SLC26A1: variants seen among roughly 807,000 people sequenced by gnomAD.
The protein encoded by SLC26A1 is sulfate anion transporter 1.
Under a neutral mutation model 14.5 loss-of-function variants are expected in SLC26A1, and 18 were observed. The observed-to-expected ratio is 1.24, with a 90% CI of 0.86 to 1.84. SLC26A1 has a LOEUF of 1.84. Among genes scored for constraint, SLC26A1 ranks in the 40% most tolerant of loss-of-function variants. SLC26A1 has a pLI of 0.00. For synonymous variants in SLC26A1, 505 were observed against 492.0 expected (o/e 1.03, Z -0.35); for missense variants, 1,049 against 1,020.0 (o/e 1.03, Z -0.39).
At chr4:983,167 G>A (rs773318719), downstream of SLC26A1, among the ~76,000 whole-genome samples, 3 of 152,210 alleles carry the variant, frequency 2.0e-5, no homozygotes, top group Non-Finnish European at 4.4e-5. Context: ...ATGCGGTTAC[G>A]ATTCATTAGG....
In SLC26A1 at chr4:989,651, G is replaced by C; in HGVS notation, c.1288C>G (p.Leu430Val). Residue 430 changes from leucine to valine, a missense_variant, in exon 3 of 3, where the codon CTG (leucine) becomes GTG (valine). By Grantham distance (32) the Leu-to-Val change is conservative. Transcript: ENST00000398516. ...TGTAGGTCGTGGAACAGCGGTGCCA[G>C]CGCCAGCAGCACCAGCAGCACCACG... Reference protein sequence around the residue: ...ATVVLLVLLALAPLFHDLQRS... With the variant: ...ATVVLLVLLAVAPLFHDLQRS... The C allele has an allele frequency of 6.3e-7, 1 of 1,589,428 alleles. No individual in the cohort carries two copies. Among genetic ancestry groups the C allele is most frequent in the African/African-American group, 1.3e-5 (1 of 74,792 alleles).
chr4:989,033 C>T lies in SLC26A1; in HGVS notation c.1906G>A (p.Asp636Asn). 6.3e-7 allele frequency: 1 copy of T among 1,582,016 alleles called. No individual in the cohort carries two copies. The highest frequency in any genetic ancestry group is 8.6e-7 in the Non-Finnish European group (1 of 1,164,840). Residue 636 changes from aspartate to asparagine, a missense_variant, in exon 3 of 3, where the codon GAC becomes AAC. By Grantham distance (23) the Asp-to-Asn change is conservative. Coordinates refer to ENST00000398516, the MANE Select transcript of SLC26A1 (RefSeq NM_022042.4). Reference protein sequence around the residue: ...GVSTLQDLRRDYGALGISLLL... With the variant: ...GVSTLQDLRRNYGALGISLLL... The stretch of plus-strand genomic sequence containing the variant: ...AGGCTGATGCCCAGGGCCCCGTAGT[C>T]TCGGCGCAGGTCCTGCAGCGTGCTC...
At chr4:983,537 T>C (rs1713610716), downstream of SLC26A1, among the ~76,000 whole-genome samples, 1 of 152,180 alleles carries the variant, frequency 6.6e-6, no homozygotes. Flanking sequence ...CTCGCTGGGC[T>C]CCCCCAGGAG....
At chr4:985,614 G>GAC (rs1713689432), downstream of SLC26A1, among the ~76,000 whole-genome samples, 1 of 152,156 alleles carries the variant, frequency 6.6e-6, no homozygotes, top group African/African-American at 2.4e-5. Context: ...TGTTCCTGGA[G>GAC]ACAGTTCTGT....
In SLC26A1 at chr4:990,026, C is replaced by A; in HGVS notation, c.913G>T (p.Val305Leu). The A allele has an allele frequency of 6.3e-7, 1 of 1,591,638 alleles. No homozygotes were observed. The highest frequency in any genetic ancestry group is 8.5e-7 in the Non-Finnish European group (1 of 1,171,170). Residue 305 changes from valine to leucine, a missense_variant, in exon 3 of 3, where the codon GTG becomes TTG. Transcript: ENST00000398516. ...ELLVIVVATLVSHFGQLHKRF... is the reference protein window; with the variant it reads ...ELLVIVVATLLSHFGQLHKRF... ...TTGTGGAGCTGCCCGAAGTGCGACA[C>A]GAGTGTGGCCACCACGATGACCAGC...
chr4:989,150 T>C lies in SLC26A1; in HGVS notation c.1789A>G (p.Ser597Gly), dbSNP rs373935098. The C allele has an allele frequency of 6.2e-7, 1 of 1,607,814 alleles. No homozygotes were observed. Among genetic ancestry groups the C allele is most frequent in the South Asian group, 1.1e-5 (1 of 90,626 alleles). ...GCGGGCACCAGCGCAGCCCTGGTGC[T>C]AACCGGGCCCAGGTCCTCGCCCTGG... ...PAQGEDLGPV[S>G]TRAALVPAAA... is the part of the protein sequence containing the mutation. Residue 597 changes from serine to glycine, a missense_variant, in exon 3 of 3, where the codon AGC becomes GGC. Transcript: ENST00000398516.
rs1713896098 is a variant in SLC26A1 at position 988,151 on chromosome 4, TCCTGCAGGTCTC to T, written c.*670_*681del. 18 of 1,399,586 alleles carry T rather than the reference TCCTGCAGGTCTC, an allele frequency of 1.3e-5. No homozygotes were observed. The highest frequency in any genetic ancestry group is 1.7e-5 in the Non-Finnish European group (18 of 1,078,702). The allele number at this position is 1,399,586 out of a possible 1,614,324, so 86.7% of individuals were successfully genotyped here. A position where few individuals can be genotyped will look rare whatever the true frequency, so the allele number is the denominator to read the frequency against. ...GCCCCTGCATGGGGCACGGTGGGCT[TCCTGCAGGTCTC>T]CCTGCAGGCTCAGGGTTGGCTGCGC... On this transcript the variant is annotated 3_prime_UTR_variant, in exon 3 of 3. Coordinates refer to ENST00000398516, the MANE Select transcript of SLC26A1 (RefSeq NM_022042.4).
downstream of SLC26A1, among the ~76,000 whole-genome samples, chr4:982,777 C>T (rs930098131): frequency 3.9e-5 from 6 of 152,240 alleles, no homozygotes; most frequent in Non-Finnish European, 7.3e-5. Flanking sequence ...CTGTCGTGGC[C>T]GGGTCCGTGT....
downstream of SLC26A1, chr4:987,380 G>GT: frequency 1.1e-6 from 1 of 909,512 alleles, no homozygotes; most frequent in Non-Finnish European, 1.6e-6. Flanking sequence ...GCCCCCCGCC[G>GT]TGTTTGTGGG....
chr4:991,871 G>T, intron 1 of SLC26A1, 141 bp from the exon 2 acceptor site: 1 of 1,477,018 alleles, frequency 6.8e-7, no homozygotes, highest in Non-Finnish European at 9.1e-7. Flanking sequence ...TCTCCTGGCA[G>T]CGCGGGCCCC....
In SLC26A1 at chr4:991,470, G is replaced by A; in HGVS notation, c.234C>T (p.Val78=). 6.2e-7 allele frequency: 1 copy of A among 1,612,452 alleles called. No individual in the cohort carries two copies. Among genetic ancestry groups the A allele is most frequent in the Middle Eastern group, 1.7e-4 (1 of 6,060 alleles). ...CCTGCGGCACCAGGATGATGCCGAT[G>A]ACCAGCCCAGACATGACGTCGCCTG... ...YLAGDVMSGL[V]IGIILVPQAI... is the part of the protein sequence containing the mutation. The change falls in exon 2 of 3, where the codon GTC becomes GTT. Residue 78 remains valine (V), a synonymous_variant. Transcript: ENST00000398516.
downstream of SLC26A1, chr4:986,956 CGGCCATCG>C: frequency 2.5e-5 from 20 of 788,170 alleles, no homozygotes; most frequent in East Asian, 6.8e-5. Flanking sequence ...CCCTCCCACC[CGGCCATCG>C]CCCCCTCACC....
At chr4:985,863 C>T (rs1003640286), downstream of SLC26A1, among the ~76,000 whole-genome samples, 2 of 152,164 alleles carry the variant, frequency 1.3e-5, no homozygotes, top group Non-Finnish European at 2.9e-5. Context: ...TTATCCTTCT[C>T]CCAACTTAGA....
At chr4:983,985 C>T (rs1038376944), downstream of SLC26A1, among the ~76,000 whole-genome samples, 24 of 152,220 alleles carry the variant, frequency 1.6e-4, no homozygotes, top group Middle Eastern at 3.4e-3. Flanking sequence ...CCACCACGCC[C>T]GGCTAATTTT....
rs955764958 is a variant in SLC26A1, at chr4:990,489, G to A, written c.577-127C>T. On this transcript the variant is annotated intron_variant, in intron 2 of 2. Coordinates refer to ENST00000398516, the MANE Select transcript of SLC26A1 (RefSeq NM_022042.4). ...CCTGACAATTCTGTGTTGCGGCCCCGTGTGTTCCAAACCAGACTCCTCACA... is the reference window on the plus strand; with the variant it reads ...CCTGACAATTCTGTGTTGCGGCCCCATGTGTTCCAAACCAGACTCCTCACA... The A allele has an allele frequency of 2.2e-5, 21 of 949,554 alleles. No homozygotes were observed. The Middle Eastern group carries it at 1.0e-3, about 45-fold the overall frequency. 58.8% of individuals were successfully genotyped at this position (949,554 alleles called of 1,614,324 possible).
At chr4:991,940 G>A (rs1462465753) in intron 1 of SLC26A1, 21 of 866,696 alleles carry the variant, frequency 2.4e-5, no homozygotes, top group Non-Finnish European at 3.5e-5. Flanking sequence ...TCCATCGTGA[G>A]GTGAGATGGG....
Position 987,876 on chromosome 4 carries a change from T to C in SLC26A1, c.*957A>G. The C allele has an allele frequency of 6.2e-7, 1 of 1,612,044 alleles. No individual in the cohort carries two copies. Among genetic ancestry groups the C allele is most frequent in the South Asian group, 1.1e-5 (1 of 90,950 alleles). On this transcript the variant is annotated 3_prime_UTR_variant, in exon 3 of 3. Transcript: ENST00000398516. Reference sequence around the variant, plus strand: ...CTGGGACCAGCAGCTCAACCTCGCCTATGTGGGCGCCGTCCCTCACCGCGG... The same window carrying C: ...CTGGGACCAGCAGCTCAACCTCGCCCATGTGGGCGCCGTCCCTCACCGCGG...
chr4:987,303 G>A, downstream of SLC26A1: 1 of 1,431,970 alleles, frequency 7.0e-7, no homozygotes, highest in South Asian at 1.2e-5. Flanking sequence ...GGCGCCCCCT[G>A]ACTGCGCACT....
In SLC26A1 at chr4:988,459, G is replaced by A; in HGVS notation, c.*374C>T. On this transcript the variant is annotated 3_prime_UTR_variant, in exon 3 of 3. Transcript: ENST00000398516. ...GCAGGGTGGGCACCGGGCAGGCCTGGGCATAGGGAGTCCTCTTGGCACCTT... is the reference window on the plus strand; with the variant it reads ...GCAGGGTGGGCACCGGGCAGGCCTGAGCATAGGGAGTCCTCTTGGCACCTT... 1 of 1,108,986 alleles carries A rather than the reference G, an allele frequency of 9.0e-7. No individual in the cohort carries two copies. Among genetic ancestry groups the A allele is most frequent in the Non-Finnish European group, 1.1e-6 (1 of 907,162 alleles). The allele number at this position is 1,108,986 out of a possible 1,614,324, so 68.7% of individuals were successfully genotyped here.
Sources: allele counts gnomAD v4.1 joint callset (sites outside exome capture counted in the v4.1 genomes callset), GRCh38; gene constraint gnomAD v4.1.1; transcripts MANE v1.5; gene names NCBI Gene and HGNC (gene_info 2026-07-23, HGNC 2026-07-21).